The following ADGB variants were observed in gnomAD, a reference collection of about 807,000 sequenced individuals.
ADGB encodes calpain-7-like protein.
Under a neutral mutation model 210.5 loss-of-function variants are expected in ADGB, and 172 were observed. That is an observed-to-expected ratio of 0.82 (90% CI 0.72 to 0.93). ADGB has a LOEUF of 0.93. Ranked by LOEUF, ADGB falls within the 40% of genes least tolerant of loss-of-function variation. The pLI is 0.00. For missense variants in ADGB, 2,025 were observed against 1,964.8 expected (o/e 1.03, Z -0.58); for synonymous variants, 658 against 662.7 (o/e 0.99, Z 0.11).
intron 35 of ADGB, among the ~76,000 whole-genome samples, chr6:146,813,453 A>AT (rs200164048): frequency 6.6e-6 from 1 of 151,322 alleles, no homozygotes; most frequent in African/African-American, 2.4e-5. Context: ...AGATGCAGAA[A>AT]TTTTTTTTCT....
intron 35 of ADGB, among the ~76,000 whole-genome samples, chr6:146,808,744 A>T (rs1406790643): frequency 2.0e-5 from 3 of 152,078 alleles, no homozygotes; most frequent in Non-Finnish European, 4.4e-5. Context: ...CCAGGCTGGG[A>T]TGCAGTGGCA....
At chr6:146,640,911 A>T (rs891558021) in intron 2 of ADGB, among the ~76,000 whole-genome samples, 12 of 152,044 alleles carry the variant, frequency 7.9e-5, no homozygotes, top group Non-Finnish European at 1.5e-5. Context: ...AGTCCTAGCC[A>T]GAGCAATCAG....
chr6:146,715,243 T>G (rs1298015775), intron 13 of ADGB, 139 bp from the exon 14 acceptor site: 2 of 684,014 alleles, frequency 2.9e-6, no homozygotes, highest in Non-Finnish European at 4.9e-6. Context: ...CAAATTTTTT[T>G]GGTAGGTTTT....
chr6:146,604,388 C>T (rs371416884), intron 1 of ADGB, among the ~76,000 whole-genome samples: 9 of 152,198 alleles, frequency 5.9e-5, no homozygotes, highest in African/African-American at 2.2e-4. Flanking sequence ...TTTAAATCTT[C>T]GCCGTAATAC....
rs373201109 is a variant in ADGB, at chr6:146,788,543, C to T, written c.4470C>T (p.Ser1490=). ...GLRDVAKSTS[S]ESGGVSSPGK... The stretch of plus-strand genomic sequence containing the variant: ...GGGATGTGGCAAAATCCACGAGTAG[C>T]GAAAGTGGAGGAGTGTCTTCACCAG... Residue 1490 remains serine, a synonymous_variant, in exon 33 of 36, where the codon AGC becomes AGT. Coordinates refer to ENST00000397944, the MANE Select transcript of ADGB (RefSeq NM_024694.4). 236 of 1,551,406 alleles carry T rather than the reference C, an allele frequency of 1.5e-4. 1 individual carries two copies. Among genetic ancestry groups the T allele is most frequent in the South Asian group, 1.2e-3 (100 of 84,048 alleles).
intron 35 of ADGB, among the ~76,000 whole-genome samples, chr6:146,804,151 C>T (rs900500830): frequency 2.0e-5 from 3 of 152,048 alleles, no homozygotes; most frequent in African/African-American, 4.8e-5. Context: ...TTGTGGAAGA[C>T]TATACTTTAT....
At chr6:146,750,897 G>A (rs1216012168) in intron 26 of ADGB, among the ~76,000 whole-genome samples, 1 of 152,160 alleles carries the variant, frequency 6.6e-6, no homozygotes, top group Non-Finnish European at 1.5e-5. Flanking sequence ...GTAATAGAGA[G>A]GGTTGACGTG....
intron 1 of ADGB, among the ~76,000 whole-genome samples, chr6:146,618,630 T>A (rs1780838434): frequency 6.6e-6 from 1 of 151,608 alleles, no homozygotes; most frequent in Admixed American, 6.6e-5. Flanking sequence ...ATCAGGTGCA[T>A]GTTGTTTAAT....
At chr6:146,607,920 T>C (rs575181635) in intron 1 of ADGB, among the ~76,000 whole-genome samples, 2 of 152,284 alleles carry the variant, frequency 1.3e-5, no homozygotes, top group Non-Finnish European at 2.9e-5. Flanking sequence ...CCTCATAGAA[T>C]GAGATAGGGA....
chr6:146,684,220 A>G (rs1293912567), intron 9 of ADGB, among the ~76,000 whole-genome samples: 1 of 152,092 alleles, frequency 6.6e-6, no homozygotes, highest in Non-Finnish European at 1.5e-5. Flanking sequence ...TGAACCTGGA[A>G]AGTACATTTA....
intron 1 of ADGB, among the ~76,000 whole-genome samples, chr6:146,611,531 G>C (rs1780711064): frequency 6.6e-6 from 1 of 152,108 alleles, no homozygotes; most frequent in Non-Finnish European, 1.5e-5. Flanking sequence ...GAAAGTTCAT[G>C]GCAAGAGTGG....
intron 7 of ADGB, among the ~76,000 whole-genome samples, chr6:146,668,697 A>T (rs1015008838): frequency 6.6e-6 from 1 of 152,130 alleles, no homozygotes; most frequent in African/African-American, 2.4e-5. Context: ...TAGAGATACC[A>T]GAGACAGGAA....
chr6:146,712,378 G>C (rs1331729519), intron 13 of ADGB, among the ~76,000 whole-genome samples: 7 of 151,920 alleles, frequency 4.6e-5, no homozygotes, highest in Non-Finnish European at 1.0e-4. Flanking sequence ...GTAGAGATGG[G>C]GTTTTGCCAT....
intron 33 of ADGB, among the ~76,000 whole-genome samples, chr6:146,791,830 C>T (rs1182597984): frequency 2.0e-5 from 3 of 151,852 alleles, no homozygotes; most frequent in Non-Finnish European, 2.9e-5. Flanking sequence ...ACAATAACAG[C>T]TCATTGCAGC....
intron 14 of ADGB, among the ~76,000 whole-genome samples, chr6:146,715,661 C>A (rs1776721979): frequency 6.6e-6 from 1 of 152,178 alleles, no homozygotes; most frequent in Non-Finnish European, 1.5e-5. Flanking sequence ...TTTAATGCTG[C>A]ACCCTGTGAT....
At chr6:146,634,288 C>T (rs569503309) in intron 1 of ADGB, among the ~76,000 whole-genome samples, 1 of 152,124 alleles carries the variant, frequency 6.6e-6, no homozygotes, top group Non-Finnish European at 1.5e-5. Flanking sequence ...TGAGGGACAA[C>T]AAACTTGCCT....
chr6:146,781,171 C>CAAAAAA (rs71031009), intron 29 of ADGB, among the ~76,000 whole-genome samples: 6 of 90,966 alleles, frequency 6.6e-5, no homozygotes, highest in African/African-American at 1.2e-4. Flanking sequence ...ACTAAAAATA[C>CAAAAAA]AAAAAAAAAA....
chr6:146,789,341 A>C (rs1412875958), intron 33 of ADGB, among the ~76,000 whole-genome samples: 1 of 152,150 alleles, frequency 6.6e-6, no homozygotes, highest in Non-Finnish European at 1.5e-5. Flanking sequence ...CTCTCACATC[A>C]AGCTACATCC....
chr6:146,701,822 A>G (rs941080931), intron 13 of ADGB, among the ~76,000 whole-genome samples: 1 of 152,002 alleles, frequency 6.6e-6, no homozygotes, highest in Non-Finnish European at 1.5e-5. Flanking sequence ...ACCTAGCTAT[A>G]TAGGTCACAG....
Sources: allele counts gnomAD v4.1 joint callset (sites outside exome capture counted in the v4.1 genomes callset), GRCh38; gene constraint gnomAD v4.1.1; transcripts MANE v1.5; gene names NCBI Gene and HGNC (gene_info 2026-07-23, HGNC 2026-07-21).